Variants in FHIP2A observed in about 807,000 individuals in gnomAD.
The protein encoded by FHIP2A is FHF complex subunit HOOK interacting protein 2A.
FHIP2A carries 46 observed loss-of-function variants against 93.5 expected under a neutral mutation model. The observed-to-expected ratio is 0.49, with a 90% confidence interval of 0.39 to 0.63. The LOEUF (loss-of-function observed/expected upper bound fraction) is 0.63, where lower values mean the gene tolerates loss of function less well. FHIP2A is among the 20% of genes least tolerant of loss of function. The pLI, the probability that FHIP2A is intolerant of heterozygous loss-of-function variation, is 0.00. For synonymous variants in FHIP2A, 332 were observed against 326.5 expected (o/e 1.02, Z -0.18); for missense variants, 769 against 909.7 (o/e 0.85, Z 1.99).
At chr10:114,892,842 A>C (rs2083982521) in intron 16 of FHIP2A, among the ~76,000 whole-genome samples, 1 of 152,144 alleles carries the variant, frequency 6.6e-6, no homozygotes, top group Non-Finnish European at 1.5e-5. Context: ...TATCCAGGAA[A>C]ATTAGATAAA....
At chr10:114,835,678 A>T in intron 4 of FHIP2A, 37 bp downstream of exon 4, 2 of 1,183,560 alleles carry the variant, frequency 1.7e-6, no homozygotes, top group Non-Finnish European at 2.4e-6. Context: ...ATTTTGTTTG[A>T]TTTCTTTTAA....
chr10:114,845,544 G>A, intron 8 of FHIP2A, 63 bp downstream of exon 8: 1 of 981,946 alleles, frequency 1.0e-6, no homozygotes, highest in Admixed American at 2.3e-5. Context: ...AGTGAAATTG[G>A]AATCCCTAAT....
At chr10:114,890,283 C>A (rs1269189316) in intron 16 of FHIP2A, among the ~76,000 whole-genome samples, 1 of 152,026 alleles carries the variant, frequency 6.6e-6, no homozygotes, top group Non-Finnish European at 1.5e-5. Context: ...CCACCTTGGC[C>A]TCCCAAAGTG....
At chr10:114,841,802 A>G (rs752752429) in intron 5 of FHIP2A, among the ~76,000 whole-genome samples, 1 of 152,216 alleles carries the variant, frequency 6.6e-6, no homozygotes, top group Non-Finnish European at 1.5e-5. Context: ...ATATGTTTCT[A>G]TGATGATAGG....
intron 16 of FHIP2A, among the ~76,000 whole-genome samples, chr10:114,875,902 TAAA>T (rs766339987): frequency 2.9e-5 from 1 of 34,472 alleles, no homozygotes; most frequent in Non-Finnish European, 6.5e-5. Flanking sequence ...GAGAAAGAAA[TAAA>T]GAAAGAGAAA....
downstream of FHIP2A, among the ~76,000 whole-genome samples, chr10:114,868,421 C>A (rs1336026746): frequency 6.6e-6 from 1 of 152,042 alleles, no homozygotes; most frequent in Non-Finnish European, 1.5e-5. Flanking sequence ...ACAGTTGCAT[C>A]CCGAAATCAT....
chr10:114,883,152 T>A lies in FHIP2A; in HGVS notation c.2193-16338T>A, dbSNP rs554727141. On this transcript the variant is annotated intron_variant, in intron 16 of 16. Coordinates refer to the FHIP2A transcript ENST00000369250. ...GGCCTTAGAGGTTAAAGATTTTGGA[T>A]CATTTTGTGACATTACAGGGTTAGT... 8.5e-5 allele frequency among the ~76,000 whole-genome samples: 13 copies of A among 152,182 alleles called. 1 individual carries two copies. The South Asian group carries it at 2.7e-3, about 32-fold the overall frequency.
downstream of FHIP2A, among the ~76,000 whole-genome samples, chr10:114,866,169 G>A (rs1035817234): frequency 2.9e-5 from 4 of 138,910 alleles, no homozygotes; most frequent in Non-Finnish European, 4.6e-5. Flanking sequence ...GTTGTTTCCC[G>A]CCCTATGTCA....
chr10:114,835,232 T>C (rs1253849111), intron 3 of FHIP2A, among the ~76,000 whole-genome samples: 1 of 152,210 alleles, frequency 6.6e-6, no homozygotes, highest in Non-Finnish European at 1.5e-5. Context: ...TATAAACAGG[T>C]TGACATTGAC....
rs562383767 is a variant in FHIP2A at position 114,881,152 on chromosome 10, C to T, written c.2193-18338C>T. ...ATGCCTGCAAGTTCTCCCAGCTCCC[C>T]TTTTGGGGCCTGAAAATTTATCTCT... On this transcript the variant is annotated intron_variant, in intron 16 of 16. Coordinates refer to the FHIP2A transcript ENST00000369250. Among the ~76,000 whole-genome samples the T allele has an allele frequency of 2.4e-4, 37 of 152,314 alleles. 3 individuals are homozygous for T. The East Asian group carries it at 3.9e-3, about 16-fold the overall frequency.
At chr10:114,893,842 T>G (rs1439865012) in intron 16 of FHIP2A, among the ~76,000 whole-genome samples, 2 of 152,008 alleles carry the variant, frequency 1.3e-5, no homozygotes, top group African/African-American at 4.8e-5. Flanking sequence ...ACAAGAAAAA[T>G]ATATTCAAAA....
At chr10:114,852,535 T>C (rs1228071952) in intron 13 of FHIP2A, among the ~76,000 whole-genome samples, 1 of 152,228 alleles carries the variant, frequency 6.6e-6, no homozygotes, top group East Asian at 1.9e-4. Flanking sequence ...TATTGCCAAG[T>C]TGTATCAGTT....
chr10:114,854,743 G>A (rs1388155809), intron 13 of FHIP2A, among the ~76,000 whole-genome samples: 5 of 152,142 alleles, frequency 3.3e-5, no homozygotes, highest in Admixed American at 6.5e-5. Context: ...ATAACATCAT[G>A]CCTAGTGTGC....
At chr10:114,852,484 C>G (rs2083743098) in intron 13 of FHIP2A, among the ~76,000 whole-genome samples, 1 of 152,156 alleles carries the variant, frequency 6.6e-6, no homozygotes, top group African/African-American at 2.4e-5. Flanking sequence ...TTCAGAGTTG[C>G]CTGGGATTCA....
At chr10:114,867,816 C>T (rs551181455), downstream of FHIP2A, among the ~76,000 whole-genome samples, 1 of 152,322 alleles carries the variant, frequency 6.6e-6, no homozygotes, top group East Asian at 1.9e-4. Context: ...AGAGCTCACT[C>T]CTGCCAGGGA....
In FHIP2A at chr10:114,843,907, A is replaced by G; in HGVS notation, c.983A>G (p.Asp328Gly). 1.3e-6 allele frequency: 2 copies of G among 1,582,096 alleles called. No individual in the cohort carries two copies. The highest frequency in any genetic ancestry group is 1.7e-6 in the Non-Finnish European group (2 of 1,171,600). The stretch of plus-strand genomic sequence containing the variant: ...CTACCTCAGTCAGTGGATCCGTTAG[A>G]TATTGAAACCGTGGAAGCAATTAAC... ...KALPQSVDPL[D>G]IETVEAINWG... is the part of the protein sequence containing the mutation. The change falls in exon 7 of 17, where the codon GAT becomes GGT. Residue 328 changes from aspartate to glycine, a missense_variant. By Grantham distance (94) the Asp-to-Gly change is moderately conservative. Transcript: ENST00000369248.
downstream of FHIP2A, among the ~76,000 whole-genome samples, chr10:114,865,314 A>G (rs546345670): frequency 1.6e-4 from 25 of 152,214 alleles, no homozygotes; most frequent in Admixed American, 1.6e-3. Flanking sequence ...TCTAAGCATT[A>G]TTTCTTAGTA....
intron 4 of FHIP2A, 134 bp from the exon 5 acceptor site, chr10:114,835,990 T>G (rs2083634847): frequency 1.7e-6 from 1 of 580,130 alleles, no homozygotes. Flanking sequence ...ATAAATATCA[T>G]TAGTGTTCTG....
rs529762463 is a variant in FHIP2A at position 114,846,662 on chromosome 10, C to T, written c.1502C>T (p.Thr501Ile). 6.2e-6 allele frequency: 10 copies of T among 1,612,142 alleles called. No individual in the cohort carries two copies. In the South Asian group the frequency reaches 8.8e-5, roughly 14 times the overall value. ...VLRNLEERNYTEYKPLCPEDK... is the reference protein window; with the variant it reads ...VLRNLEERNYIEYKPLCPEDK... ...AGAAATCTTGAAGAAAGAAATTATA[C>T]AGAATATAAACCTTTGTGCCCAGAA... Residue 501 changes from threonine (T) to isoleucine (I), a missense_variant, in exon 11 of 17, where the codon ACA becomes ATA. Thr to Ile is a moderately conservative substitution (Grantham distance 89). Transcript: ENST00000369248.
Sources: gnomAD v4.1 joint callset for allele counts (sites outside exome capture counted in the v4.1 genomes callset) on GRCh38, gnomAD v4.1.1 for gene constraint, MANE v1.5 for transcripts, NCBI Gene and HGNC (gene_info 2026-07-23, HGNC 2026-07-21) for gene names.